Variants in TRIM37 observed in about 807,000 individuals in gnomAD.
The protein encoded by TRIM37 is E3 ubiquitin-protein ligase TRIM37.
A neutral mutation model predicts 129.8 loss-of-function variants in TRIM37; 80 were observed. The observed-to-expected ratio is 0.62, with a 90% CI of 0.51 to 0.74. The LOEUF (loss-of-function observed/expected upper bound fraction) is 0.74. Ranked by LOEUF, TRIM37 falls within the 30% of genes least tolerant of loss-of-function variation. TRIM37 has a pLI of 0.00. For synonymous variants in TRIM37, 389 were observed against 387.1 expected, an observed-to-expected ratio of 1.00 and a Z score of -0.06; for missense variants, 1,054 against 1,176.5, an observed-to-expected ratio of 0.90 and a Z score of 1.52.
chr17:59,021,798 T>C (rs2036633223), intron 19 of TRIM37, among the ~76,000 whole-genome samples: 1 of 152,066 alleles, frequency 6.6e-6, no homozygotes, highest in South Asian at 2.1e-4. Flanking sequence ...AAAGGATAAA[T>C]GCTTGAGATG....
chr17:59,056,808 T>C, intron 13 of TRIM37, 67 bp downstream of exon 13: 1 of 1,332,724 alleles, frequency 7.5e-7, no homozygotes, highest in Non-Finnish European at 1.1e-6. Flanking sequence ...AAATGATCTT[T>C]GAAATATAGT....
intron 23 of TRIM37, among the ~76,000 whole-genome samples, chr17:58,999,775 T>A (rs1043868827): frequency 1.3e-5 from 2 of 152,212 alleles, no homozygotes; most frequent in African/African-American, 4.8e-5. Context: ...GAAGCAATGG[T>A]GTATATTCTC....
chr17:59,043,730 C>T (rs2039491920), intron 16 of TRIM37, among the ~76,000 whole-genome samples: 1 of 152,176 alleles, frequency 6.6e-6, no homozygotes. Flanking sequence ...CCAGCTTATT[C>T]ATAAGGTGGA....
the TRIM37 span, chr17:58,969,459 CAACA>C: frequency 7.3e-7 from 1 of 1,367,234 alleles, no homozygotes; most frequent in African/African-American, 1.4e-5. Context: ...AAAGGATGGG[CAACA>C]ATGATGCCAG....
chr17:59,019,864 T>C (rs1159180779), intron 19 of TRIM37, among the ~76,000 whole-genome samples: 1 of 152,064 alleles, frequency 6.6e-6, no homozygotes, highest in African/African-American at 2.4e-5. Flanking sequence ...TAGATAAATG[T>C]TCTAGACTTA....
chr17:59,006,557 T>C (rs1246896958), intron 22 of TRIM37, among the ~76,000 whole-genome samples: 2 of 152,154 alleles, frequency 1.3e-5, no homozygotes, highest in Non-Finnish European at 2.9e-5. Flanking sequence ...TTACCACATA[T>C]CCATGTGGAA....
intron 9 of TRIM37, among the ~76,000 whole-genome samples, chr17:59,066,067 G>T (rs1168427729): frequency 6.6e-6 from 1 of 152,074 alleles, no homozygotes; most frequent in African/African-American, 2.4e-5. Context: ...TATTTCTTCA[G>T]ATAACAGATT....
At position 59,056,888 on chromosome 17, in the gene TRIM37, T is replaced by A; in HGVS notation, c.1186A>T (p.Thr396Ser). ...NEGYLNPQND[T>S]VILRFQVRSP... ...TTTTCCTGTTACCTTAAAATCACTGTATCATTTTGTGGATTCAAGTATCCT... is the reference window on the plus strand; with the variant it reads ...TTTTCCTGTTACCTTAAAATCACTGAATCATTTTGTGGATTCAAGTATCCT... The change falls in exon 13 of 24, where the codon ACA becomes TCA. Residue 396 changes from threonine to serine, a missense_variant. Thr to Ser is a moderately conservative substitution (Grantham distance 58, BLOSUM62 1). Transcript: ENST00000262294. 6.2e-7 allele frequency: 1 copy of A among 1,613,806 alleles called. No homozygotes were observed. Among genetic ancestry groups the A allele is most frequent in the South Asian group, 1.1e-5 (1 of 91,070 alleles).
At position 59,075,654 on chromosome 17, in the gene TRIM37, T is replaced by TCCACCTC; in HGVS notation, c.670_676dup (p.Glu226GlyfsTer10). ...CATTTAATATTTCATCACCTGGTGC[T>TCCACCTC]CCACCTCCTGAAGTAAGGATTCCAA... On this transcript the variant is annotated frameshift_variant, in exon 8 of 24. Transcript: ENST00000262294. LOFTEE classifies it high-confidence loss of function. 6.2e-7 allele frequency: 1 copy of TCCACCTC among 1,605,666 alleles called. No individual in the cohort carries two copies.
intron 16 of TRIM37, 76 bp from the exon 17 acceptor site, chr17:59,041,974 T>A: frequency 1.0e-6 from 1 of 975,590 alleles, no homozygotes; most frequent in Non-Finnish European, 1.6e-6. Context: ...ATAAATTTTA[T>A]GATATGCAGA....
At chr17:59,016,410 A>G (rs897676492) in intron 20 of TRIM37, among the ~76,000 whole-genome samples, 11 of 151,332 alleles carry the variant, frequency 7.3e-5, no homozygotes, top group African/African-American at 1.7e-4. Flanking sequence ...AAAAAAAAAA[A>G]AAAAACTTCA....
At chr17:59,049,525 C>G in intron 14 of TRIM37, 132 bp from the exon 15 acceptor site, 1 of 852,010 alleles carries the variant, frequency 1.2e-6, no homozygotes. Flanking sequence ...AATGGTCTCA[C>G]TCTGTTGCCC....
Position 59,049,162 on chromosome 17 carries a change from C to G in TRIM37, c.1530+16G>C. 1 of 1,602,842 alleles carries G rather than the reference C, an allele frequency of 6.2e-7. No individual in the cohort carries two copies. Among genetic ancestry groups the G allele is most frequent in the Non-Finnish European group, 8.5e-7 (1 of 1,169,974 alleles). ...TTTAATCAAACACAAAAATCTAAAA[C>G]TGGCCTCATTATTACATGATAATCT... On this transcript the variant is annotated intron_variant, in intron 15 of 23. Coordinates refer to ENST00000262294, the MANE Select transcript of TRIM37 (RefSeq NM_015294.6).
chr17:58,982,901 G>A (rs2031445390), exon 25 of TRIM37: 2 of 1,572,668 alleles, frequency 1.3e-6, no homozygotes, highest in Non-Finnish European at 1.7e-6. Context: ...CAGGTGCAGT[G>A]TCAGTTTCAA....
chr17:59,105,830 T>G (rs1299840834), intron 1 of TRIM37, among the ~76,000 whole-genome samples: 1 of 152,220 alleles, frequency 6.6e-6, no homozygotes, highest in East Asian at 1.9e-4. Flanking sequence ...GGTTCAAAAT[T>G]TGATAATGAT....
chr17:59,058,986 C>T (rs756440958), intron 12 of TRIM37, among the ~76,000 whole-genome samples: 1 of 152,134 alleles, frequency 6.6e-6, no homozygotes, highest in Non-Finnish European at 1.5e-5. Context: ...TGCATTAATG[C>T]ACATTATCAA....
chr17:59,033,294 C>T (rs1270442909), intron 17 of TRIM37, among the ~76,000 whole-genome samples: 1 of 152,156 alleles, frequency 6.6e-6, no homozygotes. Flanking sequence ...ATGCTTTTCA[C>T]ATCCTCATGT....
rs141891763 is a variant in TRIM37 at position 59,060,686 on chromosome 17, A to G, written c.1019+346T>C. Among the ~76,000 whole-genome samples the G allele has an allele frequency of 1.3e-3, 193 of 152,282 alleles. 2 individuals carry two copies. The Middle Eastern group carries it at 0.017, about 13-fold the overall frequency. On this transcript the variant is annotated intron_variant, in intron 12 of 23. Transcript: ENST00000262294. ...TTGTGGAGTAAATAGAATGTTATAA[A>G]ATTAGATGTTGGTGATGGTTGTAGA...
At chr17:59,087,249 C>G (rs551851257) in intron 4 of TRIM37, among the ~76,000 whole-genome samples, 1 of 151,970 alleles carries the variant, frequency 6.6e-6, no homozygotes. Flanking sequence ...GCGTCCACCA[C>G]GACGCCCAGC....
Sources: allele counts gnomAD v4.1 joint callset (sites outside exome capture counted in the v4.1 genomes callset), GRCh38; gene constraint gnomAD v4.1.1; transcripts MANE v1.5; gene names NCBI Gene and HGNC (gene_info 2026-07-23, HGNC 2026-07-21).